SYTL5: variants seen among roughly 807,000 people sequenced by gnomAD.
SYTL5 encodes synaptotagmin like 5, also known as synaptotagmin-like protein 5.
In SYTL5, 34 loss-of-function variants were observed where a neutral mutation model predicts 55.9. The observed-to-expected ratio is 0.61, with a 90% CI of 0.46 to 0.81. SYTL5 has a LOEUF of 0.81. SYTL5 is among the 30% of genes least tolerant of loss of function. SYTL5 has a pLI of 0.00. For missense variants in SYTL5, 637 were observed against 546.7 expected (o/e 1.17, Z -1.65); for synonymous variants, 221 against 188.7 (o/e 1.17, Z -1.40).
the SYTL5 span, among the ~76,000 whole-genome samples, chrX:37,983,146 A>G: frequency 5.4e-4 from 60 of 111,939 alleles, no homozygotes; most frequent in Non-Finnish European, 1.0e-3. Flanking sequence ...TGTAAGCTAT[A>G]AAAAACAAAA....
At chrX:37,993,112 TAC>T in the SYTL5 span, among the ~76,000 whole-genome samples, 1 of 112,156 alleles carries the variant, frequency 8.9e-6, no homozygotes. Context: ...TGTTGTCTTT[TAC>T]ACAACAGAGA....
the SYTL5 span, among the ~76,000 whole-genome samples, chrX:37,911,011 G>A: frequency 1.0e-5 from 1 of 97,549 alleles, no homozygotes; most frequent in African/African-American, 4.2e-5. Context: ...TGTTGCCCGG[G>A]ATAGAGTGCA....
the SYTL5 span, among the ~76,000 whole-genome samples, chrX:37,943,700 T>G: frequency 2.7e-5 from 3 of 111,529 alleles, no homozygotes; most frequent in Admixed American, 2.9e-4. Flanking sequence ...CGGAACTAGG[T>G]TAAAGGAGGG....
chrX:37,968,804 G>T, the SYTL5 span, among the ~76,000 whole-genome samples: 1 of 111,686 alleles, frequency 9.0e-6, no homozygotes, highest in Non-Finnish European at 1.9e-5. Context: ...TGAGCTGTTG[G>T]TCCTGTATTA....
the SYTL5 span, among the ~76,000 whole-genome samples, chrX:37,900,158 C>A: frequency 9.0e-6 from 1 of 111,411 alleles, no homozygotes; most frequent in African/African-American, 3.3e-5. Context: ...GAGGGAGGGG[C>A]TTACCTCTTT....
the SYTL5 span, among the ~76,000 whole-genome samples, chrX:37,971,069 T>C: frequency 8.9e-6 from 1 of 112,131 alleles, no homozygotes; most frequent in African/African-American, 3.2e-5. Context: ...CTTCCTTTTT[T>C]TCTAAGTATC....
At chrX:38,001,686 C>G (rs763498005), upstream of SYTL5, among the ~76,000 whole-genome samples, 28 of 111,146 alleles carry the variant, frequency 2.5e-4, no homozygotes, top group Middle Eastern at 9.3e-3. Context: ...CACATTTTCT[C>G]TATCCATCTG....
the SYTL5 span, among the ~76,000 whole-genome samples, chrX:37,981,619 AC>A: frequency 9.0e-6 from 1 of 111,589 alleles, no homozygotes; most frequent in Non-Finnish European, 1.9e-5. Context: ...TTAAACATTG[AC>A]CTAGGTAACT....
At chrX:37,976,880 C>T in the SYTL5 span, among the ~76,000 whole-genome samples, 5 of 109,374 alleles carry the variant, frequency 4.6e-5, no homozygotes, top group Admixed American at 2.9e-4. Flanking sequence ...GCAGGAGAAT[C>T]GCTTGAACCC....
chrX:38,026,080 G>A (rs1248308470), intron 1 of SYTL5, among the ~76,000 whole-genome samples: 1 of 112,492 alleles, frequency 8.9e-6, no homozygotes, highest in Non-Finnish European at 1.9e-5. Flanking sequence ...AGTGATTCGT[G>A]GCATGAAAAT....
At chrX:37,915,960 C>T in the SYTL5 span, among the ~76,000 whole-genome samples, 3 of 111,123 alleles carry the variant, frequency 2.7e-5, no homozygotes, top group Non-Finnish European at 5.7e-5. Flanking sequence ...GTAGGAGAGC[C>T]GTCTCAGTTT....
At chrX:38,034,204 G>A (rs1053411841) in intron 2 of SYTL5, among the ~76,000 whole-genome samples, 196 bp downstream of exon 2, 2 of 111,824 alleles carry the variant, frequency 1.8e-5, no homozygotes, top group Non-Finnish European at 3.8e-5. Context: ...ATGGAATTTA[G>A]CTAATAAAGT....
intron 7 of SYTL5, among the ~76,000 whole-genome samples, chrX:38,093,743 T>C (rs762485584): frequency 9.4e-4 from 104 of 111,091 alleles, no homozygotes; most frequent in Non-Finnish European, 1.7e-3. Flanking sequence ...TTATGAACAT[T>C]GGTAAGTACC....
At chrX:38,098,983 T>A (rs113029890) in intron 9 of SYTL5, among the ~76,000 whole-genome samples, 265 of 110,708 alleles carry the variant, frequency 2.4e-3, no homozygotes, top group African/African-American at 8.3e-3. Context: ...AGCAGATTAA[T>A]GGTTGCCAGG....
the SYTL5 span, among the ~76,000 whole-genome samples, chrX:37,896,509 T>C: frequency 0.22 from 24,038 of 110,543 alleles, 5,264 homozygotes; most frequent in African/African-American, 0.68. Flanking sequence ...GCAAATAAGA[T>C]ATAAGCACAA....
At chrX:37,921,192 A>G in the SYTL5 span, among the ~76,000 whole-genome samples, 11 of 111,744 alleles carry the variant, frequency 9.8e-5, no homozygotes, top group African/African-American at 3.2e-4. Flanking sequence ...GTCATGGAGA[A>G]GTTAAGTAAC....
upstream of SYTL5, among the ~76,000 whole-genome samples, chrX:38,003,385 A>G (rs1429133667): frequency 9.0e-6 from 1 of 111,537 alleles, no homozygotes; most frequent in Non-Finnish European, 1.9e-5. Context: ...AAGTCTCAGG[A>G]TACAAAATCA....
intron 2 of SYTL5, among the ~76,000 whole-genome samples, chrX:38,049,451 T>C (rs1245948174): frequency 9.0e-6 from 1 of 111,275 alleles, no homozygotes; most frequent in Non-Finnish European, 1.9e-5. Context: ...GGGGCTGCAT[T>C]AAAGCAGGGG....
At chrX:37,934,324 T>C in the SYTL5 span, among the ~76,000 whole-genome samples, 4 of 109,963 alleles carry the variant, frequency 3.6e-5, no homozygotes, top group African/African-American at 1.3e-4. Context: ...CATAGAACAA[T>C]GTCTTACAAG....
Sources: allele counts gnomAD v4.1 joint callset (sites outside exome capture counted in the v4.1 genomes callset), GRCh38; gene constraint gnomAD v4.1.1; transcripts MANE v1.5; gene names NCBI Gene and HGNC (gene_info 2026-07-23, HGNC 2026-07-21).